PTK2: variants seen among roughly 807,000 people sequenced by gnomAD.
PTK2 encodes protein tyrosine kinase 2, also known as focal adhesion kinase 1.
Under a neutral mutation model 150.1 loss-of-function variants are expected in PTK2, and 45 were observed. The observed-to-expected ratio is 0.30, with a 90% confidence interval of 0.24 to 0.38. The LOEUF is 0.38. PTK2 is among the 10% of genes least tolerant of loss of function. PTK2 has a pLI of 1.00. For synonymous variants in PTK2, 432 were observed against 449.2 expected (o/e 0.96, Z 0.48); for missense variants, 919 against 1,307.3 (o/e 0.70, Z 4.58).
chr8:140,972,740 T>C (rs910233490), intron 1 of PTK2, among the ~76,000 whole-genome samples: 4 of 152,212 alleles, frequency 2.6e-5, no homozygotes, highest in Non-Finnish European at 4.4e-5. Flanking sequence ...TTTAGTCAAC[T>C]AGATTCCCAG....
At chr8:140,846,452 C>T in intron 6 of PTK2, 130 bp from the exon 7 acceptor site, 2 of 1,167,082 alleles carry the variant, frequency 1.7e-6, no homozygotes, top group Non-Finnish European at 1.3e-6. Context: ...ATTACTTTTG[C>T]ACCAAACCAA....
At chr8:140,997,083 T>C (rs2100198075) in intron 1 of PTK2, among the ~76,000 whole-genome samples, 1 of 152,182 alleles carries the variant, frequency 6.6e-6, no homozygotes, top group Non-Finnish European at 1.5e-5. Context: ...CTTCCAACCG[T>C]CATGGATAAC....
intron 20 of PTK2, among the ~76,000 whole-genome samples, chr8:140,740,429 C>T (rs147368119): frequency 2.6e-5 from 4 of 152,328 alleles, no homozygotes; most frequent in Non-Finnish European, 5.9e-5. Flanking sequence ...CGGCTGGGCT[C>T]TGCCAGCATG....
At chr8:140,696,041 C>A (rs1564555050) in intron 26 of PTK2, among the ~76,000 whole-genome samples, 1 of 152,170 alleles carries the variant, frequency 6.6e-6, no homozygotes, top group East Asian at 1.9e-4. Context: ...GTCCGGGACT[C>A]CTCCTTCCTC....
rs371649932 is a variant in PTK2 at position 140,764,107 on chromosome 8, A to C, written c.1234+127T>G. 9.6e-6 allele frequency: 8 copies of C among 835,836 alleles called. No individual in the cohort carries two copies. The Admixed American group carries it at 1.4e-4, about 15-fold the overall frequency. The allele number at this position is 835,836 out of a possible 1,614,324, so 51.8% of individuals were successfully genotyped here. On this transcript the variant is annotated intron_variant, in intron 15 of 31. Coordinates refer to ENST00000522684, the Ensembl canonical transcript of PTK2. ...TATAGAATGGTAAAGGTTGAAAAGA[A>C]TATTTCTGTTCAGCATCCAAGGAAG... is the stretch of plus-strand genomic sequence containing the variant.
In PTK2 at chr8:140,960,262, G is replaced by A. The variant is rs562484331; in HGVS notation, c.-121-34513C>T. Among the ~76,000 whole-genome samples the A allele has an allele frequency of 1.8e-3, 184 of 100,320 alleles. 1 individual carries two copies. Among genetic ancestry groups the A allele is most frequent in the African/African-American group, 8.2e-3 (177 of 21,500 alleles). The allele number at this position is 100,320 out of a possible 152,430, so 65.8% of individuals were successfully genotyped here. A position where few individuals can be genotyped will look rare whatever the true frequency, so the allele number is the denominator to read the frequency against. ...CACCCAGGCTGGAGCGCAATGGCAC[G>A]ATCTCGGCTCACTGCAACCTCCACC... On this transcript the variant is annotated intron_variant, in intron 1 of 31. Coordinates refer to ENST00000522684, the Ensembl canonical transcript of PTK2.
chr8:140,709,871 C>T (rs1302759263), intron 23 of PTK2, among the ~76,000 whole-genome samples: 4 of 152,102 alleles, frequency 2.6e-5, no homozygotes, highest in African/African-American at 9.7e-5. Flanking sequence ...AACTGGATGG[C>T]ACTGTTCCTT....
chr8:140,779,463 C>T (rs2100080448), intron 14 of PTK2, among the ~76,000 whole-genome samples: 2 of 152,066 alleles, frequency 1.3e-5, no homozygotes, highest in Admixed American at 1.3e-4. Flanking sequence ...CAATGAGAAT[C>T]AGGGCACCCT....
chr8:140,836,823 A>G (rs1053421704), intron 7 of PTK2, among the ~76,000 whole-genome samples: 6 of 152,216 alleles, frequency 3.9e-5, no homozygotes, highest in African/African-American at 1.4e-4. Context: ...ACAAACCACT[A>G]TAGCAAAATA....
intron 4 of PTK2, 28 bp downstream of exon 4, chr8:140,879,443 A>G (rs780957492): frequency 1.3e-6 from 2 of 1,569,062 alleles, no homozygotes; most frequent in Non-Finnish European, 8.6e-7. Context: ...TCAAGTGTGC[A>G]TCACACCAAA....
At chr8:140,665,880 C>T (rs2090884533) in intron 30 of PTK2, among the ~76,000 whole-genome samples, 1 of 152,170 alleles carries the variant, frequency 6.6e-6, no homozygotes, top group African/African-American at 2.4e-5. Flanking sequence ...GCAAGTTCCT[C>T]CTTAAGAACT....
intron 2 of PTK2, chr8:140,921,025 CCTT>C (rs1210931014): frequency 7.7e-7 from 1 of 1,290,684 alleles, no homozygotes. Flanking sequence ...CCTGTGTGCT[CCTT>C]TTTTCAGAGC....
chr8:140,851,736 G>A (rs1184668220), intron 5 of PTK2, among the ~76,000 whole-genome samples: 1 of 151,998 alleles, frequency 6.6e-6, no homozygotes, highest in African/African-American at 2.4e-5. Flanking sequence ...GTGTGCACCT[G>A]TAGTCCCAGC....
chr8:140,817,392 T>A (rs1272266469), intron 10 of PTK2, among the ~76,000 whole-genome samples: 1 of 152,152 alleles, frequency 6.6e-6, no homozygotes, highest in East Asian at 1.9e-4. Flanking sequence ...TAGGAAATTA[T>A]ATGTACAGGT....
chr8:140,992,464 C>A (rs766988613), intron 1 of PTK2, among the ~76,000 whole-genome samples: 3 of 151,984 alleles, frequency 2.0e-5, no homozygotes, highest in Non-Finnish European at 4.4e-5. Flanking sequence ...AGCAAGACTC[C>A]GTCTCAAAAA....
At chr8:141,001,334 GT>G (rs2100200191), upstream of PTK2, 1 of 147,392 alleles carries the variant, frequency 6.8e-6, no homozygotes. Context: ...TGAGGCGCGC[GT>G]CCTCTCTCGG....
intron 29 of PTK2, 29 bp from the exon 34 acceptor site, chr8:140,668,453 T>A (rs749621275): frequency 1.1e-5 from 18 of 1,588,660 alleles, no homozygotes; most frequent in Middle Eastern, 2.0e-4. Context: ...GTCATTTTTC[T>A]GCTCTCCAGC....
chr8:140,669,828 C>T, intron 29 of PTK2, 93 bp from the exon 33 acceptor site: 1 of 1,372,052 alleles, frequency 7.3e-7, no homozygotes, highest in African/African-American at 1.4e-5. Flanking sequence ...TAAGACAAAT[C>T]CCCCATAAAA....
chr8:140,748,354 G>A (rs576233953), intron 17 of PTK2, among the ~76,000 whole-genome samples: 6 of 152,158 alleles, frequency 3.9e-5, no homozygotes, highest in East Asian at 1.9e-4. Flanking sequence ...TTAGCTGGGC[G>A]TGGTGGTGTG....
Sources: allele counts gnomAD v4.1 joint callset (sites outside exome capture counted in the v4.1 genomes callset), GRCh38; gene constraint gnomAD v4.1.1; transcripts MANE v1.5; gene names NCBI Gene and HGNC (gene_info 2026-07-23, HGNC 2026-07-21).